The following RPS6KA6 variants were observed in gnomAD, a reference collection of about 807,000 sequenced individuals.
RPS6KA6 encodes ribosomal protein S6 kinase A6, also known as ribosomal protein S6 kinase alpha-6.
A neutral mutation model predicts 65.4 loss-of-function variants in RPS6KA6; 27 were observed. That is an observed-to-expected ratio of 0.41 (90% CI 0.30 to 0.57). The LOEUF is 0.57. RPS6KA6 is among the 20% of genes least tolerant of loss of function. RPS6KA6 has a pLI of 0.24. For synonymous variants in RPS6KA6, 190 were observed against 184.2 expected (o/e 1.03, Z -0.26); for missense variants, 486 against 555.6 (o/e 0.87, Z 1.26).
chrX:84,139,831 T>C (rs940400738), intron 6 of RPS6KA6, among the ~76,000 whole-genome samples: 3 of 112,137 alleles, frequency 2.7e-5, no homozygotes, highest in Non-Finnish European at 5.6e-5. Flanking sequence ...CACTGAATAC[T>C]GAGAGACAGG....
chrX:84,097,741 A>G, intron 19 of RPS6KA6, 31 bp downstream of exon 19: 1 of 927,336 alleles, frequency 1.1e-6, no homozygotes. Context: ...TCAAATAACA[A>G]TGTTAATGCT....
At chrX:84,155,534 A>G (rs1320508178) in intron 3 of RPS6KA6, among the ~76,000 whole-genome samples, 1 of 112,102 alleles carries the variant, frequency 8.9e-6, no homozygotes, top group Non-Finnish European at 1.9e-5. Flanking sequence ...TTCTTACTCA[A>G]TTTTGCTTTC....
intron 12 of RPS6KA6, among the ~76,000 whole-genome samples, chrX:84,111,261 C>G (rs1490873410): frequency 9.0e-6 from 1 of 110,895 alleles, no homozygotes; most frequent in Non-Finnish European, 1.9e-5. Flanking sequence ...GTTTGGAAAG[C>G]ATAATTGAGG....
At chrX:84,118,610 AT>A (rs1317475371) in intron 9 of RPS6KA6, among the ~76,000 whole-genome samples, 1 of 111,389 alleles carries the variant, frequency 9.0e-6, no homozygotes, top group Non-Finnish European at 1.9e-5. Flanking sequence ...TATCTCTTCT[AT>A]TAACTTACCA....
intron 20 of RPS6KA6, among the ~76,000 whole-genome samples, chrX:84,094,122 C>G (rs2034102255): frequency 9.1e-6 from 1 of 109,821 alleles, no homozygotes. Flanking sequence ...TGGTGAGGAG[C>G]TGAAGCCAAC....
Position 84,105,810 on chromosome X carries a change from G to A in RPS6KA6, c.1432C>T (p.Pro478Ser). The A allele has an allele frequency of 8.6e-7, 1 of 1,157,660 alleles. No homozygotes were observed. Among genetic ancestry groups the A allele is most frequent in the Non-Finnish European group, 1.2e-6 (1 of 852,779 alleles). Reference sequence around the variant, plus strand: ...ACATCCTTCAAAGTAATAATGTTGGGATGTTGTCCATAGCGCATCAATATT... The same window carrying A: ...ACATCCTTCAAAGTAATAATGTTGGAATGTTGTCCATAGCGCATCAATATT... ...IEILMRYGQH[P>S]NIITLKDVFD... Residue 478 changes from proline (P) to serine (S), a missense_variant, in exon 16 of 22, where the codon CCC becomes TCC. Transcript: ENST00000262752.
Position 84,102,411 on chromosome X carries a change from C to A in RPS6KA6, c.1615-213G>T, listed in dbSNP as rs186420740. On this transcript the variant is annotated intron_variant, in intron 17 of 21. Coordinates refer to ENST00000262752, the MANE Select transcript of RPS6KA6 (RefSeq NM_014496.5). ...ATAGATGTTCCAGTTTCTATTGTCT[C>A]AAAAGCCACTAGTTTTGTTAACCAT... is the stretch of plus-strand genomic sequence containing the variant. 5.9e-3 allele frequency among the ~76,000 whole-genome samples: 653 copies of A among 110,604 alleles called. 7 individuals are homozygous for A. Among genetic ancestry groups the A allele is most frequent in the African/African-American group, 0.02 (606 of 30,514 alleles).
At chrX:84,099,157 G>C (rs2034213471) in intron 18 of RPS6KA6, among the ~76,000 whole-genome samples, 1 of 111,142 alleles carries the variant, frequency 9.0e-6, no homozygotes, top group African/African-American at 3.3e-5. Context: ...AATCAAGTCA[G>C]CTGTAGGTAC....
At chrX:84,101,972 G>T in intron 18 of RPS6KA6, 65 bp downstream of exon 18, 1 of 890,277 alleles carries the variant, frequency 1.1e-6, no homozygotes, top group Non-Finnish European at 1.5e-6. Context: ...ACATTCATAT[G>T]GCATCATATA....
Position 84,106,497 on chromosome X carries a change from T to G in RPS6KA6, c.1243-10A>C. The G allele has an allele frequency of 9.3e-7, 1 of 1,070,409 alleles. No individual in the cohort carries two copies. The highest frequency in any genetic ancestry group is 1.3e-6 in the Non-Finnish European group (1 of 785,936). 88.2% of individuals were successfully genotyped at this position (1,070,409 alleles called of 1,213,427 possible). ...CAGCATTTCCATTTATCTGTTTATT[T>G]TTAAAAAGTAAAATACTAAGGAGAA... On this transcript the variant is annotated splice_polypyrimidine_tract_variant and intron_variant, in intron 14 of 21. Transcript: ENST00000262752.
chrX:84,105,908 G>A (rs756104563), intron 15 of RPS6KA6, 32 bp from the exon 16 acceptor site: 1 of 813,588 alleles, frequency 1.2e-6, no homozygotes, highest in South Asian at 2.5e-5. Context: ...AAATATCTGA[G>A]GCAAACAAAT....
intron 20 of RPS6KA6, among the ~76,000 whole-genome samples, chrX:84,068,158 C>T (rs1209215780): frequency 9.0e-6 from 1 of 111,278 alleles, no homozygotes; most frequent in Non-Finnish European, 1.9e-5. Flanking sequence ...CCAGCCACTG[C>T]AAAAACATCA....
intron 8 of RPS6KA6, among the ~76,000 whole-genome samples, chrX:84,134,446 AG>A (rs1392201874): frequency 1.8e-5 from 2 of 111,461 alleles, no homozygotes; most frequent in African/African-American, 6.5e-5. Context: ...GCCAGGAGTT[AG>A]GGAAGGTGGA....
chrX:84,066,955 G>C (rs1407682298), intron 20 of RPS6KA6, among the ~76,000 whole-genome samples: 1 of 111,759 alleles, frequency 8.9e-6, no homozygotes, highest in African/African-American at 3.3e-5. Context: ...CTGTTCTGCA[G>C]CCTCCACTGG....
rs758325725 is a variant in RPS6KA6, at chrX:84,063,690, C to G, written c.*587G>C. On this transcript the variant is annotated 3_prime_UTR_variant, in exon 22 of 22. Transcript: ENST00000262752. ...TCTTCTATAAAAACTTTGGCACCAACTATATCAAGAATTCATATATTAGCA... is the reference window on the plus strand; with the variant it reads ...TCTTCTATAAAAACTTTGGCACCAAGTATATCAAGAATTCATATATTAGCA... 1.8e-5 allele frequency: 2 copies of G among 111,993 alleles called. No individual in the cohort carries two copies. The highest frequency in any genetic ancestry group is 6.5e-5 in the African/African-American group (2 of 30,849). 9.2% of individuals were successfully genotyped at this position (111,993 alleles called of 1,213,427 possible).
rs1159650421 is a variant in RPS6KA6 at position 84,061,621 on chromosome X, G to A, written c.*2656C>T. 1 of 111,212 alleles carries A rather than the reference G, an allele frequency of 9.0e-6. No individual in the cohort carries two copies. Among genetic ancestry groups the A allele is most frequent in the Non-Finnish European group, 1.9e-5 (1 of 52,932 alleles). The allele number at this position is 111,212 out of a possible 1,213,427, so 9.2% of individuals were successfully genotyped here. On this transcript the variant is annotated 3_prime_UTR_variant, in exon 22 of 22. Coordinates refer to ENST00000262752, the MANE Select transcript of RPS6KA6 (RefSeq NM_014496.5). ...AGTATGTGCTTAAGGACAACAGGTT[G>A]TTAGTCTATTTGAGCAAACCTGATG... is the stretch of plus-strand genomic sequence containing the variant.
chrX:84,167,232 G>T (rs941661683), intron 1 of RPS6KA6, among the ~76,000 whole-genome samples: 11 of 112,008 alleles, frequency 9.8e-5, no homozygotes, highest in African/African-American at 3.6e-4. Flanking sequence ...GTGGAAACAT[G>T]TTAAGACACA....
At chrX:84,180,858 T>G (rs1395136263) in intron 1 of RPS6KA6, among the ~76,000 whole-genome samples, 3 of 111,695 alleles carry the variant, frequency 2.7e-5, no homozygotes. Flanking sequence ...AGCATGAATT[T>G]AAAATAATCT....
intron 8 of RPS6KA6, among the ~76,000 whole-genome samples, chrX:84,133,599 G>C (rs977786527): frequency 9.0e-6 from 1 of 110,955 alleles, no homozygotes; most frequent in African/African-American, 3.3e-5. Flanking sequence ...AATGTAGAGA[G>C]AGAAAAATAG....
Sources: allele counts gnomAD v4.1 joint callset (sites outside exome capture counted in the v4.1 genomes callset), GRCh38; gene constraint gnomAD v4.1.1; transcripts MANE v1.5; gene names NCBI Gene and HGNC (gene_info 2026-07-23, HGNC 2026-07-21).